The following GRID2 variants were observed in gnomAD, a reference collection of about 807,000 sequenced individuals.
The protein encoded by GRID2 is glutamate ionotropic receptor delta type subunit 2.
Under a neutral mutation model 114.8 loss-of-function variants are expected in GRID2, and 33 were observed. The observed-to-expected ratio is 0.29, with a 90% CI of 0.22 to 0.38. The LOEUF (loss-of-function observed/expected upper bound fraction) is 0.38, where lower values mean the gene tolerates loss of function less well. Among genes scored for constraint, GRID2 ranks in the 10% least tolerant of loss-of-function variants. The pLI, the probability that GRID2 is intolerant of heterozygous loss-of-function variation, is 1.00. For missense variants in GRID2, 1,184 were observed against 1,257.7 expected, an observed-to-expected ratio of 0.94 and a Z score of 0.89; for synonymous variants, 505 against 449.9, an observed-to-expected ratio of 1.12 and a Z score of -1.55.
intron 1 of GRID2, among the ~76,000 whole-genome samples, chr4:92,553,001 G>C (rs1726671472): frequency 6.6e-6 from 1 of 152,138 alleles, no homozygotes; most frequent in African/African-American, 2.4e-5. Flanking sequence ...CAATGAAATG[G>C]GGGCAAGCAA....
intron 4 of GRID2, among the ~76,000 whole-genome samples, chr4:93,148,367 A>G (rs1295956910): frequency 2.0e-5 from 3 of 152,264 alleles, no homozygotes; most frequent in Admixed American, 6.5e-5. Context: ...CATTATTTAG[A>G]GTGGCAGAAC....
chr4:92,658,266 G>C (rs1732344551), intron 2 of GRID2, among the ~76,000 whole-genome samples: 1 of 151,638 alleles, frequency 6.6e-6, no homozygotes, highest in African/African-American at 2.4e-5. Flanking sequence ...CAGTTACACT[G>C]GTAGCTGAAT....
At position 93,599,317 on chromosome 4, in the gene GRID2, C is replaced by T. The variant is rs577671472; in HGVS notation, c.2194-26952C>T. ...TGTCATTAGTGGTCACTTCTAAGCA[C>T]AAGGAAACTTAAAAGTGTTTCACCT... is the stretch of plus-strand genomic sequence containing the variant. On this transcript the variant is annotated intron_variant, in intron 13 of 15. Transcript: ENST00000282020. Among the ~76,000 whole-genome samples, 59 of 152,252 alleles carry T rather than the reference C, an allele frequency of 3.9e-4. 1 individual carries two copies. In the East Asian group the frequency reaches 7.7e-3, roughly 20 times the overall value.
intron 2 of GRID2, among the ~76,000 whole-genome samples, chr4:92,685,184 CTACT>C (rs889672488): frequency 6.6e-5 from 10 of 151,896 alleles, no homozygotes; most frequent in Non-Finnish European, 1.0e-4. Flanking sequence ...TAGAAATGTT[CTACT>C]TACTTTTGTC....
chr4:93,648,363 C>A (rs1210976949), intron 14 of GRID2, among the ~76,000 whole-genome samples: 1 of 152,046 alleles, frequency 6.6e-6, no homozygotes. Context: ...GAAAAAGGAA[C>A]AAAGCCCCTA....
intron 2 of GRID2, among the ~76,000 whole-genome samples, chr4:92,719,197 A>G (rs1165763589): frequency 6.6e-6 from 1 of 151,998 alleles, no homozygotes. Context: ...ATGTTGGGTA[A>G]GTTGGTCTCG....
intron 12 of GRID2, among the ~76,000 whole-genome samples, chr4:93,505,321 G>A (rs1224269252): frequency 1.3e-5 from 2 of 151,916 alleles, no homozygotes; most frequent in Admixed American, 6.6e-5. Context: ...TTTCACTACT[G>A]AAATCTATTG....
chr4:92,513,160 A>G (rs1442970547), intron 1 of GRID2, among the ~76,000 whole-genome samples: 1 of 151,892 alleles, frequency 6.6e-6, no homozygotes, highest in African/African-American at 2.4e-5. Context: ...ATCTTTGTCA[A>G]TAAAAGCTGA....
chr4:92,852,489 T>A (rs1262934058), intron 2 of GRID2, among the ~76,000 whole-genome samples: 8 of 152,090 alleles, frequency 5.3e-5, no homozygotes, highest in Non-Finnish European at 2.9e-5. Context: ...TTAAATTGCA[T>A]GCTTCACTCC....
intron 2 of GRID2, among the ~76,000 whole-genome samples, chr4:92,903,559 A>G (rs987259448): frequency 2.6e-5 from 4 of 151,958 alleles, no homozygotes; most frequent in African/African-American, 9.7e-5. Context: ...AAGCCTTAAA[A>G]ACCATGAATA....
chr4:92,652,687 T>G (rs1412277361), intron 2 of GRID2, among the ~76,000 whole-genome samples: 2 of 135,148 alleles, frequency 1.5e-5, no homozygotes, highest in Non-Finnish European at 3.3e-5. Flanking sequence ...ATATGTAATT[T>G]TGGCCGGGCG....
At chr4:92,423,704 C>G (rs1579335018) in intron 1 of GRID2, among the ~76,000 whole-genome samples, 1 of 152,034 alleles carries the variant, frequency 6.6e-6, no homozygotes, top group East Asian at 1.9e-4. Context: ...TTCAATAATA[C>G]TTTTGGCACT....
intron 13 of GRID2, among the ~76,000 whole-genome samples, chr4:93,536,895 A>T (rs1578211730): frequency 6.6e-6 from 1 of 151,782 alleles, no homozygotes; most frequent in East Asian, 1.9e-4. Flanking sequence ...TAAAGGATAG[A>T]AGTTTTAAAT....
chr4:93,732,999 G>T (rs894523083), intron 14 of GRID2, among the ~76,000 whole-genome samples: 1 of 151,882 alleles, frequency 6.6e-6, no homozygotes, highest in Non-Finnish European at 1.5e-5. Flanking sequence ...AGTAGGAAAT[G>T]ATACTGATGG....
chr4:93,375,914 A>T (rs958365782), intron 8 of GRID2, among the ~76,000 whole-genome samples: 5 of 152,114 alleles, frequency 3.3e-5, no homozygotes, highest in African/African-American at 4.8e-5. Flanking sequence ...CAAAAATTTG[A>T]CTGGGAGTTC....
At chr4:92,346,227 C>T (rs1377508632) in intron 1 of GRID2, among the ~76,000 whole-genome samples, 1 of 152,100 alleles carries the variant, frequency 6.6e-6, no homozygotes, top group Non-Finnish European at 1.5e-5. Context: ...GTCTCATTTC[C>T]ATTGGTTTGT....
chr4:92,761,211 C>A (rs2149345346), intron 2 of GRID2, among the ~76,000 whole-genome samples: 1 of 151,788 alleles, frequency 6.6e-6, no homozygotes, highest in Middle Eastern at 3.4e-3. Flanking sequence ...TATTCAAATT[C>A]CTGCTTTTTT....
At chr4:93,693,342 A>G (rs1435742471) in intron 14 of GRID2, among the ~76,000 whole-genome samples, 1 of 152,194 alleles carries the variant, frequency 6.6e-6, no homozygotes. Context: ...TCGCCGTACT[A>G]GAAACTCTTA....
chr4:93,518,037 A>C (rs1311097708), intron 13 of GRID2, among the ~76,000 whole-genome samples: 19 of 110,120 alleles, frequency 1.7e-4, no homozygotes, highest in African/African-American at 6.3e-4. Flanking sequence ...ATGTATGTAT[A>C]TATACGCATA....
Sources: gnomAD v4.1 joint callset for allele counts (sites outside exome capture counted in the v4.1 genomes callset) on GRCh38, gnomAD v4.1.1 for gene constraint, MANE v1.5 for transcripts, NCBI Gene and HGNC (gene_info 2026-07-23, HGNC 2026-07-21) for gene names.